AQP10: variants seen among roughly 807,000 people sequenced by gnomAD.
AQP10 encodes the protein aquaporin-10.
AQP10 carries 15 observed loss-of-function variants against 21.0 expected under a neutral mutation model. The observed-to-expected ratio is 0.71, with a 90% CI of 0.48 to 1.10. AQP10 has a LOEUF of 1.10. Among genes scored for constraint, AQP10 ranks in the 50% least tolerant of loss-of-function variants. AQP10 has a pLI of 0.00. For synonymous variants in AQP10, 143 were observed against 155.7 expected (o/e 0.92, Z 0.61); for missense variants, 268 against 379.5 (o/e 0.71, Z 2.44).
intron 2 of AQP10, among the ~76,000 whole-genome samples, chr1:154,322,489 C>CTTCT (rs376265152): frequency 0.26 from 31,226 of 118,112 alleles, 4,679 homozygotes; most frequent in African/African-American, 0.41. Context: ...GTGTCTTCTT[C>CTTCT]TTTTTTTTTT....
At chr1:154,321,667 A>T (rs1558263621) in intron 1 of AQP10, among the ~76,000 whole-genome samples, 1 of 152,214 alleles carries the variant, frequency 6.6e-6, no homozygotes, top group Non-Finnish European at 1.5e-5. Flanking sequence ...ATCTTAGATA[A>T]GACTTTTTAA....
rs1192101605 is a variant in AQP10 at position 154,324,637 on chromosome 1, T to G, written c.*157T>G. 1 of 720,472 alleles carries G rather than the reference T, an allele frequency of 1.4e-6. No homozygotes were observed. The highest frequency in any genetic ancestry group is 2.2e-6 in the Non-Finnish European group (1 of 459,270). The allele number at this position is 720,472 out of a possible 1,614,324, so 44.6% of individuals were successfully genotyped here. A position where few individuals can be genotyped will look rare whatever the true frequency, so the allele number is the denominator to read the frequency against. The stretch of plus-strand genomic sequence containing the variant: ...CTTCCTCCTAAACTAAGAAGGATCC[T>G]GGACAGGGAGAAGTGGAGGAGGATA... On this transcript the variant is annotated 3_prime_UTR_variant, in exon 6 of 6. Transcript: ENST00000324978.
At chr1:154,324,203 T>G (rs1384119119) in intron 5 of AQP10, 79 bp from the exon 6 acceptor site, 21 of 1,368,534 alleles carry the variant, frequency 1.5e-5, no homozygotes, top group Admixed American at 2.5e-5. Context: ...GGCACTCTCT[T>G]GTTACTGCCC....
In AQP10 at chr1:154,321,979, C is replaced by A. The variant is rs534377369; in HGVS notation, c.152C>A (p.Thr51Asn). The part of the protein sequence containing the change: ...AVAQAVTSGE[T>N]KGNFFTMFLA... ...GCCCAGGCTGTCACCAGTGGAGAAA[C>A]CAAAGGCAACTTCTTCACCATGTTT... The change falls in exon 2 of 6, where the codon ACC becomes AAC. Residue 51 changes from threonine (T) to asparagine (N), a missense_variant. Physicochemically the swap from Thr to Asn is moderately conservative, Grantham distance 65 (BLOSUM62 0). Coordinates refer to ENST00000324978, the MANE Select transcript of AQP10 (RefSeq NM_080429.3). The A allele has an allele frequency of 6.2e-7, 1 of 1,613,746 alleles. No individual in the cohort carries two copies. Among genetic ancestry groups the A allele is most frequent in the Non-Finnish European group, 8.5e-7 (1 of 1,179,860 alleles).
rs1212110710 is a variant in AQP10 at position 154,324,520 on chromosome 1, G to A, written c.*40G>A. ...ACTTCACTCATGGACCCTGGAGCCA[G>A]CCACTGACCCCGCCTGGGAACAACA... On this transcript the variant is annotated 3_prime_UTR_variant, in exon 6 of 6. Transcript: ENST00000324978. 1.3e-6 allele frequency: 2 copies of A among 1,583,546 alleles called. No homozygotes were observed. The highest frequency in any genetic ancestry group is 1.7e-6 in the Non-Finnish European group (2 of 1,161,070).
In AQP10 at chr1:154,321,232, C is replaced by A. The variant is rs767385572; in HGVS notation, c.77C>A (p.Ala26Glu). 8.1e-6 allele frequency: 13 copies of A among 1,613,696 alleles called. No homozygotes were observed. The highest frequency in any genetic ancestry group is 1.1e-5 in the Non-Finnish European group (13 of 1,179,824). ...AGCCTCCTGGCCCGGCAGTGCCTGGCAGAGTTTCTGGGTGTGTTTGTACTC... is the reference window on the plus strand; with the variant it reads ...AGCCTCCTGGCCCGGCAGTGCCTGGAAGAGTTTCTGGGTGTGTTTGTACTC... The part of the protein sequence containing the change: ...IRSLLARQCL[A>E]EFLGVFVLML... Residue 26 changes from alanine (A) to glutamate (E), a missense_variant, in exon 1 of 6, where the codon GCA becomes GAA. Physicochemically the swap from Ala to Glu is moderately radical, Grantham distance 107. This residue lies in a region of AQP10 where 33 missense variants were observed against 47.1 expected (regional missense o/e 0.70). Transcript: ENST00000324978.
rs568677297 is a variant in AQP10, at chr1:154,323,022, C to T, written c.273C>T (p.Ile91=). 8.7e-6 allele frequency: 14 copies of T among 1,614,170 alleles called. 1 individual carries two copies. The highest frequency in any genetic ancestry group is 2.2e-5 in the South Asian group (2 of 91,082). ...LNPAFSLAMC[I]VGRLPWVKLP... ...CAGCCTTCTCCCTGGCCATGTGCATCGTTGGACGCCTCCCCTGGGTCAAGC... is the reference window on the plus strand; with the variant it reads ...CAGCCTTCTCCCTGGCCATGTGCATTGTTGGACGCCTCCCCTGGGTCAAGC... The change falls in exon 3 of 6, where the codon ATC becomes ATT. Residue 91 remains isoleucine (I), a synonymous_variant. Coordinates refer to ENST00000324978, the MANE Select transcript of AQP10 (RefSeq NM_080429.3). This position sits in a 1 kb window ranked among gnomAD's most constrained non-coding sequence, Gnocchi z 4.5.
In AQP10 at chr1:154,322,092, G is replaced by A. The variant is rs199999141; in HGVS notation, c.232+33G>A. 1,728 of 1,611,950 alleles carry A rather than the reference G, an allele frequency of 1.1e-3. 1 individual carries two copies. The highest frequency in any genetic ancestry group is 1.7e-3 in the Admixed American group (104 of 59,764). On this transcript the variant is annotated intron_variant, in intron 2 of 5. Coordinates refer to ENST00000324978, the MANE Select transcript of AQP10 (RefSeq NM_080429.3). Reference sequence around the variant, plus strand: ...GGGTGGGGTCTGGTCATCAGAGCACGTGGGATGTGCATGCCAGTTTGTCTG... The same window carrying A: ...GGGTGGGGTCTGGTCATCAGAGCACATGGGATGTGCATGCCAGTTTGTCTG...
At chr1:154,321,353 C>T in intron 1 of AQP10, 93 bp downstream of exon 1, 2 of 978,426 alleles carry the variant, frequency 2.0e-6, no homozygotes, top group South Asian at 1.6e-5. Flanking sequence ...TGGTGTCCCC[C>T]TTCCTCTCAA....
Position 154,323,995 on chromosome 1 carries a change from T to C in AQP10, c.707+189T>C. ...CCAACTTTTCACTGAAACAGTAAGA[T>C]TTAGAGGTTGTGTTCTTAGGCATGC... is the stretch of plus-strand genomic sequence containing the variant. On this transcript the variant is annotated intron_variant, in intron 5 of 5. Coordinates refer to ENST00000324978, the MANE Select transcript of AQP10 (RefSeq NM_080429.3). This position sits in a 1 kb window ranked among gnomAD's most constrained non-coding sequence, Gnocchi z 4.5. 2.8e-6 allele frequency: 4 copies of C among 1,447,494 alleles called. No individual in the cohort carries two copies. The South Asian group carries it at 5.9e-5, about 21-fold the overall frequency. 89.7% of individuals were successfully genotyped at this position (1,447,494 alleles called of 1,614,324 possible).
chr1:154,323,652 G>A lies in AQP10; in HGVS notation c.553G>A (p.Val185Ile), dbSNP rs779783182. The change falls in exon 5 of 6, where the codon GTC becomes ATC. Residue 185 changes from valine (V) to isoleucine (I), a missense_variant. By Grantham distance (29) the Val-to-Ile change is conservative (BLOSUM62 3). Around this residue, in one of 3 missense-constraint regions of AQP10, gnomAD observed 229 missense variants for 295.1 expected, o/e 0.78. Transcript: ENST00000324978. This position sits in a 1 kb window ranked among gnomAD's most constrained non-coding sequence, Gnocchi z 4.5. ...LAILDRRNKG[V>I]PAGLEPVVVG... ...CATCCTGGACAGACGGAACAAGGGA[G>A]TCCCTGCGGGTCTGGAGCCTGTGGT... is the stretch of plus-strand genomic sequence containing the variant. 1.2e-6 allele frequency: 2 copies of A among 1,614,234 alleles called. No homozygotes were observed.
In AQP10 at chr1:154,323,475, AT is replaced by A; in HGVS notation, c.490-113del. Reference sequence around the variant, plus strand: ...TGGGTCTATCTTGGCACTCCCCACCATCCCCAACTGCCTGTGTTGCACAAAG... The same window carrying A: ...TGGGTCTATCTTGGCACTCCCCACCACCCCAACTGCCTGTGTTGCACAAAG... On this transcript the variant is annotated intron_variant, in intron 4 of 5. Transcript: ENST00000324978. The surrounding 1 kb of genome is among the most constrained non-coding windows in gnomAD (Gnocchi z 4.5). The A allele has an allele frequency of 6.7e-7, 1 of 1,488,298 alleles. No homozygotes were observed. The highest frequency in any genetic ancestry group is 9.2e-7 in the Non-Finnish European group (1 of 1,083,568). 92.2% of individuals were successfully genotyped at this position (1,488,298 alleles called of 1,614,324 possible). A position where few individuals can be genotyped will look rare whatever the true frequency, so the allele number is the denominator to read the frequency against.
rs1685695150 is a variant in AQP10 at position 154,323,615 on chromosome 1, G to A, written c.516G>A (p.Val172=). ...DQVLGTGMLI[V]GLLAILDRRN... The stretch of plus-strand genomic sequence containing the variant: ...TTCTGGGCACTGGGATGCTGATTGT[G>A]GGGCTCTTGGCCATCCTGGACAGAC... Residue 172 remains valine, a synonymous_variant, in exon 5 of 6, where the codon GTG becomes GTA. Coordinates refer to ENST00000324978, the MANE Select transcript of AQP10 (RefSeq NM_080429.3). This position sits in a 1 kb window ranked among gnomAD's most constrained non-coding sequence, Gnocchi z 4.5. 5 of 1,613,984 alleles carry A rather than the reference G, an allele frequency of 3.1e-6. No homozygotes were observed. Among genetic ancestry groups the A allele is most frequent in the Non-Finnish European group, 4.2e-6 (5 of 1,179,872 alleles).
rs372738508 is a variant in AQP10 at position 154,321,105 on chromosome 1, T to C, written c.-51T>C. ...GCAGGCAGTAGCTGTGCAGTGACAG[T>C]GTGCCTATGCAGACAGAGGGAGCAG... On this transcript the variant is annotated 5_prime_UTR_variant, in exon 1 of 6. Transcript: ENST00000324978. The C allele has an allele frequency of 2.5e-5, 36 of 1,447,474 alleles. No individual in the cohort carries two copies. The highest frequency in any genetic ancestry group is 8.6e-6 in the Non-Finnish European group (9 of 1,042,422). The allele number at this position is 1,447,474 out of a possible 1,614,324, so 89.7% of individuals were successfully genotyped here.
chr1:154,323,116 C>T lies in AQP10; in HGVS notation c.367C>T (p.His123Tyr), dbSNP rs6685323. The change falls in exon 3 of 6, where the codon CAT (histidine) becomes TAT (tyrosine). Residue 123 changes from histidine to tyrosine, a missense_variant. His to Tyr is a moderately conservative substitution (Grantham distance 83). This residue lies in a region of AQP10 where 229 missense variants were observed against 295.1 expected (regional missense o/e 0.78). Coordinates refer to ENST00000324978, the MANE Select transcript of AQP10 (RefSeq NM_080429.3). The surrounding 1 kb of genome is among the most constrained non-coding windows in gnomAD (Gnocchi z 4.5). ...TTCGGGAGCCACCTATGTTCTCTAC[C>T]ATGGTGACAGAGGGAACAGAGGGAG... ...CASGATYVLY[H>Y]DALQNYTGGN... is the part of the protein sequence containing the mutation. The T allele has an allele frequency of 0.31, 492,479 of 1,613,838 alleles. 76,311 individuals carry two copies. The highest frequency in any genetic ancestry group is 0.35 in the South Asian group (31,424 of 91,078).
Position 154,324,720 on chromosome 1 carries a change from C to T in AQP10, c.*240C>T. ...TCCCGCAAAGCGGTTTTCTGACCCT[C>T]AGGGCCTCTCGGAATGTAGTTGCTC... is the stretch of plus-strand genomic sequence containing the variant. On this transcript the variant is annotated 3_prime_UTR_variant, in exon 6 of 6. Coordinates refer to ENST00000324978, the MANE Select transcript of AQP10 (RefSeq NM_080429.3). 6.8e-6 allele frequency: 3 copies of T among 443,296 alleles called. No individual in the cohort carries two copies. The highest frequency in any genetic ancestry group is 1.2e-5 in the Non-Finnish European group (3 of 247,312). The allele number at this position is 443,296 out of a possible 1,614,324, so 27.5% of individuals were successfully genotyped here. A position where few individuals can be genotyped will look rare whatever the true frequency, so the allele number is the denominator to read the frequency against.
chr1:154,321,173 C>T lies in AQP10; in HGVS notation c.18C>T (p.Ala6=), dbSNP rs770672086. The T allele has an allele frequency of 1.2e-6, 2 of 1,613,590 alleles. No individual in the cohort carries two copies. The highest frequency in any genetic ancestry group is 1.7e-6 in the Non-Finnish European group (2 of 1,179,754). ...TTTCCACCATGGTCTTCACTCAGGC[C>T]CCGGCTGAAATCATGGGCCACCTCC... MVFTQ[A]PAEIMGHLRI... Residue 6 remains alanine (A), a synonymous_variant, in exon 1 of 6, where the codon GCC becomes GCT. Transcript: ENST00000324978.
Position 154,323,505 on chromosome 1 carries a change from G to A in AQP10, c.490-84G>A. 1 of 1,537,464 alleles carries A rather than the reference G, an allele frequency of 6.5e-7. No homozygotes were observed. On this transcript the variant is annotated intron_variant, in intron 4 of 5. Transcript: ENST00000324978. This position sits in a 1 kb window ranked among gnomAD's most constrained non-coding sequence, Gnocchi z 4.5. Reference sequence around the variant, plus strand: ...CAACTGCCTGTGTTGCACAAAGCCAGATGACATGGAATATTTGGATGAGAG... The same window carrying A: ...CAACTGCCTGTGTTGCACAAAGCCAAATGACATGGAATATTTGGATGAGAG...
rs1685689606 is a variant in AQP10, at chr1:154,323,372, G to C, written c.489+13G>C. ...CTTCCTGGATCAGGTAAGTGTGAGGGGGAGACCTGGGGACACTACTTTGGT... is the reference window on the plus strand; with the variant it reads ...CTTCCTGGATCAGGTAAGTGTGAGGCGGAGACCTGGGGACACTACTTTGGT... On this transcript the variant is annotated intron_variant, in intron 4 of 5. Coordinates refer to ENST00000324978, the MANE Select transcript of AQP10 (RefSeq NM_080429.3). The surrounding 1 kb of genome is among the most constrained non-coding windows in gnomAD (Gnocchi z 4.5). 3.7e-6 allele frequency: 6 copies of C among 1,606,246 alleles called. No individual in the cohort carries two copies. The highest frequency in any genetic ancestry group is 1.7e-5 in the Admixed American group (1 of 59,988).
Sources: gnomAD v4.1 joint callset for allele counts (sites outside exome capture counted in the v4.1 genomes callset) on GRCh38, gnomAD v4.1.1 for gene constraint, gnomAD v4.1.1 regional missense constraint, Gnocchi (gnomAD v3.1) non-coding constraint, MANE v1.5 for transcripts, NCBI Gene and HGNC (gene_info 2026-07-23, HGNC 2026-07-21) for gene names.